KLHL40: variants seen among roughly 807,000 people sequenced by gnomAD.
KLHL40 encodes kelch like family member 40.
A neutral mutation model predicts 49.7 loss-of-function variants in KLHL40; 44 were observed. The observed-to-expected ratio is 0.89, with a 90% CI of 0.70 to 1.14. The LOEUF is 1.14. KLHL40 is among the 50% of genes most tolerant of loss of function. The pLI is 0.00. For synonymous variants in KLHL40, 409 were observed against 365.2 expected, an observed-to-expected ratio of 1.12 and a Z score of -1.37; for missense variants, 892 against 850.3, an observed-to-expected ratio of 1.05 and a Z score of -0.61.
Position 42,686,569 on chromosome 3 carries a change from G to A in KLHL40, c.951G>A (p.Gln317=). ...NDTLRFGMFL[Q]DLIFMISEEG... ...CCCTGCGCTTCGGCATGTTCCTGCA[G>A]GATCTCATCTTCATGATCAGTGAGG... Residue 317 remains glutamine (Q), a synonymous_variant, in exon 1 of 6, where the codon CAG becomes CAA. Transcript: ENST00000287777. The A allele has an allele frequency of 6.2e-7, 1 of 1,614,212 alleles. No homozygotes were observed. The highest frequency in any genetic ancestry group is 8.5e-7 in the Non-Finnish European group (1 of 1,180,040).
chr3:42,691,094 G>C, intron 5 of KLHL40, 89 bp downstream of exon 5: 1 of 1,361,216 alleles, frequency 7.3e-7, no homozygotes, highest in Non-Finnish European at 9.9e-7. Context: ...CACTGGGCAA[G>C]CTCCTCTGGG....
chr3:42,691,032 G>T, intron 5 of KLHL40, 27 bp downstream of exon 5: 1 of 1,581,724 alleles, frequency 6.3e-7, no homozygotes, highest in Non-Finnish European at 8.6e-7. Flanking sequence ...GGAGGCAAGG[G>T]GGCATCATGA....
intron 4 of KLHL40, among the ~76,000 whole-genome samples, chr3:42,690,331 C>G (rs754569922): frequency 6.6e-6 from 1 of 152,190 alleles, no homozygotes; most frequent in Non-Finnish European, 1.5e-5. Context: ...GCTGTAGGAC[C>G]TCAGTGCGTG....
chr3:42,688,056 C>T lies in KLHL40; in HGVS notation c.1153-86C>T, dbSNP rs570279292. The T allele has an allele frequency of 6.8e-5, 106 of 1,554,944 alleles. No homozygotes were observed. In the Admixed American group the frequency reaches 1.6e-3, roughly 24 times the overall value. ...CCCTACCTGGGTTCCCGACCTCCTC[C>T]GTGATCTGGGGCAGTGGGACTGAGT... is the stretch of plus-strand genomic sequence containing the variant. On this transcript the variant is annotated intron_variant, in intron 1 of 5. Transcript: ENST00000287777. This position sits in a 1 kb window ranked among gnomAD's most constrained non-coding sequence, Gnocchi z 4.2.
In KLHL40 at chr3:42,688,113, C is replaced by CGGTA. The variant is rs781502420; in HGVS notation, c.1153-27_1153-24dup. 1 of 1,613,010 alleles carries CGGTA rather than the reference C, an allele frequency of 6.2e-7. No individual in the cohort carries two copies. The highest frequency in any genetic ancestry group is 8.5e-7 in the Non-Finnish European group (1 of 1,179,706). The stretch of plus-strand genomic sequence containing the variant: ...GGGCTGAGGCTGGGGGAGTGGGGGG[C>CGGTA]GGTAGCTGACTGGACACCTGGCCTG... On this transcript the variant is annotated intron_variant, in intron 1 of 5. Coordinates refer to ENST00000287777, the MANE Select transcript of KLHL40 (RefSeq NM_152393.4). This position sits in a 1 kb window ranked among gnomAD's most constrained non-coding sequence, Gnocchi z 4.2.
intron 5 of KLHL40, 103 bp from the exon 6 acceptor site, chr3:42,691,779 A>C: frequency 6.7e-6 from 5 of 747,144 alleles, no homozygotes; most frequent in Non-Finnish European, 9.8e-6. Context: ...AGATCTCCCT[A>C]GAGATGGGCC....
Position 42,688,033 on chromosome 3 carries a change from C to G in KLHL40, c.1153-109C>G. The G allele has an allele frequency of 2.2e-6, 3 of 1,341,496 alleles. No homozygotes were observed. Among genetic ancestry groups the G allele is most frequent in the Non-Finnish European group, 3.1e-6 (3 of 961,116 alleles). 83.1% of individuals were successfully genotyped at this position (1,341,496 alleles called of 1,614,324 possible). ...AGGGCACCTCCAGGCTGTATTGGCC[C>G]TACCTGGGTTCCCGACCTCCTCCGT... On this transcript the variant is annotated intron_variant, in intron 1 of 5. Coordinates refer to ENST00000287777, the MANE Select transcript of KLHL40 (RefSeq NM_152393.4). The surrounding 1 kb of genome is among the most constrained non-coding windows in gnomAD (Gnocchi z 4.2).
intron 5 of KLHL40, 21 bp from the exon 6 acceptor site, chr3:42,691,861 C>T: frequency 6.7e-7 from 1 of 1,500,170 alleles, no homozygotes. Flanking sequence ...CATCCTTGTC[C>T]CCACTCTCTC....
intron 4 of KLHL40, among the ~76,000 whole-genome samples, chr3:42,690,634 G>T (rs145862659): frequency 1.3e-5 from 2 of 152,080 alleles, no homozygotes; most frequent in African/African-American, 4.8e-5. Flanking sequence ...TGCTGGACAG[G>T]TTGGATAGAA....
intron 1 of KLHL40, 28 bp downstream of exon 1, chr3:42,686,798 G>A (rs1212524227): frequency 6.4e-7 from 1 of 1,571,324 alleles, no homozygotes; most frequent in Non-Finnish European, 8.6e-7. Context: ...GGAGCCGCCA[G>A]CTAATGCTGG....
intron 5 of KLHL40, 146 bp from the exon 6 acceptor site, chr3:42,691,736 C>T (rs1218235429): frequency 7.9e-6 from 5 of 629,366 alleles, no homozygotes; most frequent in Non-Finnish European, 1.5e-5. Flanking sequence ...TGTGGGGGGT[C>T]TCCTTTCCCA....
chr3:42,690,118 G>A (rs554816075), intron 4 of KLHL40, among the ~76,000 whole-genome samples: 10 of 152,286 alleles, frequency 6.6e-5, no homozygotes, highest in Middle Eastern at 3.4e-3. Flanking sequence ...GACCCCACCC[G>A]GGAGAGAGAG....
At position 42,686,764 on chromosome 3, in the gene KLHL40, C is replaced by T. The variant is rs1412173803; in HGVS notation, c.1146C>T (p.Phe382=). The part of the protein sequence containing the change: ...DNKEDPMSAY[F]LQFDHLDSEW... ...AAGAGGACCCCATGAGCGCATACTTCCTGCAGGTGCCTGACCAGCCTTGGG... is the reference window on the plus strand; with the variant it reads ...AAGAGGACCCCATGAGCGCATACTTTCTGCAGGTGCCTGACCAGCCTTGGG... Residue 382 remains phenylalanine (F), a synonymous_variant, in exon 1 of 6, where the codon TTC becomes TTT. Transcript: ENST00000287777. 1 of 1,605,028 alleles carries T rather than the reference C, an allele frequency of 6.2e-7. No homozygotes were observed. The highest frequency in any genetic ancestry group is 8.5e-7 in the Non-Finnish European group (1 of 1,175,766).
intron 1 of KLHL40, among the ~76,000 whole-genome samples, chr3:42,687,634 C>T (rs879555124): frequency 1.3e-4 from 20 of 152,154 alleles, no homozygotes; most frequent in Non-Finnish European, 1.8e-4. Flanking sequence ...TTATAAAGTG[C>T]TCATCAGCAA....
rs1697254226 is a variant in KLHL40 at position 42,685,544 on chromosome 3, G to A, written c.-75G>A. ...CCTCGAAGACAGCTGCTCAGTCTAA[G>A]CAAACCCCAGCAGGAAAGCAGGGGT... On this transcript the variant is annotated 5_prime_UTR_variant, in exon 1 of 6. Coordinates refer to ENST00000287777, the MANE Select transcript of KLHL40 (RefSeq NM_152393.4). The A allele has an allele frequency of 8.9e-6, 13 of 1,452,808 alleles. No homozygotes were observed. The highest frequency in any genetic ancestry group is 1.2e-5 in the Non-Finnish European group (13 of 1,082,690). 90.0% of individuals were successfully genotyped at this position (1,452,808 alleles called of 1,614,324 possible).
intron 1 of KLHL40, among the ~76,000 whole-genome samples, chr3:42,687,273 T>C (rs1697287785): frequency 6.6e-6 from 1 of 152,190 alleles, no homozygotes; most frequent in African/African-American, 2.4e-5. Flanking sequence ...GCAGAGACAG[T>C]TTCCTGGAGA....
chr3:42,690,884 C>A lies in KLHL40; in HGVS notation c.1633C>A (p.Gln545Lys). 2 of 1,612,280 alleles carry A rather than the reference C, an allele frequency of 1.2e-6. No individual in the cohort carries two copies. Among genetic ancestry groups the A allele is most frequent in the Non-Finnish European group, 1.7e-6 (2 of 1,179,076 alleles). Residue 545 changes from glutamine to lysine, a missense_variant, in exon 5 of 6, where the codon CAG (glutamine) becomes AAG (lysine). Transcript: ENST00000287777. The stretch of plus-strand genomic sequence containing the variant: ...GTGGGCACCCTTCGAGGCCTTCCCA[C>A]AGGAGCGTAGCTCACTCAGCCTGGT... ...NKWAPFEAFP[Q>K]ERSSLSLVSL...
intron 1 of KLHL40, among the ~76,000 whole-genome samples, chr3:42,687,685 C>G (rs1697295648): frequency 6.6e-6 from 1 of 152,096 alleles, no homozygotes; most frequent in African/African-American, 2.4e-5. Flanking sequence ...AGATGAACCC[C>G]TAGTATTAAT....
chr3:42,688,334 TG>T lies in KLHL40; in HGVS notation c.1313+37del, dbSNP rs1697305469. On this transcript the variant is annotated intron_variant, in intron 2 of 5. Transcript: ENST00000287777. This position sits in a 1 kb window ranked among gnomAD's most constrained non-coding sequence, Gnocchi z 4.2. ...ATGGCTGGGGTGGGGCTGAGCTCCG[TG>T]GGGGTGAGTGGGGCATGGAGGCCGC... The T allele has an allele frequency of 6.3e-7, 1 of 1,581,024 alleles. No homozygotes were observed. Among genetic ancestry groups the T allele is most frequent in the South Asian group, 1.1e-5 (1 of 90,364 alleles).
Sources: allele counts gnomAD v4.1 joint callset (sites outside exome capture counted in the v4.1 genomes callset), GRCh38; gene constraint gnomAD v4.1.1; non-coding constraint Gnocchi (gnomAD v3.1); transcripts MANE v1.5; gene names NCBI Gene and HGNC (gene_info 2026-07-23, HGNC 2026-07-21).